The following NBEA variants were observed in gnomAD, a reference collection of about 807,000 sequenced individuals.
The protein encoded by NBEA is lysosomal-trafficking regulator 2.
Under a neutral mutation model 343.4 loss-of-function variants are expected in NBEA, and 44 were observed. That is an observed-to-expected ratio of 0.13 (90% CI 0.10 to 0.16). The LOEUF is 0.16. Ranked by LOEUF, NBEA falls within the 10% of genes least tolerant of loss-of-function variation. NBEA has a pLI of 1.00. For synonymous variants in NBEA, 1,175 were observed against 1,238.7 expected, an observed-to-expected ratio of 0.95 and a Z score of 1.08; for missense variants, 2,555 against 3,631.3, an observed-to-expected ratio of 0.70 and a Z score of 7.62.
At chr13:35,140,886 T>C (rs572546939) in intron 17 of NBEA, among the ~76,000 whole-genome samples, 13 of 152,306 alleles carry the variant, frequency 8.5e-5, no homozygotes, top group African/African-American at 2.9e-4. Context: ...CAGTTGATTA[T>C]CTTACAGTGA....
intron 1 of NBEA, among the ~76,000 whole-genome samples, chr13:35,035,633 A>T (rs1462622240): frequency 6.6e-6 from 1 of 151,888 alleles, no homozygotes; most frequent in Non-Finnish European, 1.5e-5. Context: ...ATATTATGGT[A>T]TTGGAACCTA....
chr13:35,063,865 AT>A (rs2063552478), intron 8 of NBEA, among the ~76,000 whole-genome samples: 1 of 152,062 alleles, frequency 6.6e-6, no homozygotes, highest in African/African-American at 2.4e-5. Flanking sequence ...TGCCAGTAGG[AT>A]TTTCTGTCAC....
At chr13:35,030,170 C>T (rs2062155236) in intron 1 of NBEA, among the ~76,000 whole-genome samples, 1 of 151,412 alleles carries the variant, frequency 6.6e-6, no homozygotes, top group Admixed American at 6.6e-5. Context: ...TACATCATTT[C>T]CTTTGCTTTT....
At chr13:35,669,898 A>G (rs1183631782) in intron 58 of NBEA, among the ~76,000 whole-genome samples, 1 of 152,100 alleles carries the variant, frequency 6.6e-6, no homozygotes, top group Non-Finnish European at 1.5e-5. Flanking sequence ...GAAAGACCTT[A>G]GAAGAGGCTC....
chr13:35,480,362 C>T (rs890940864), intron 41 of NBEA, among the ~76,000 whole-genome samples: 10 of 152,036 alleles, frequency 6.6e-5, no homozygotes, highest in African/African-American at 2.4e-4. Context: ...TCGAAAAAAA[C>T]CTGATTTAAA....
chr13:35,138,509 G>C (rs898278868), intron 17 of NBEA, among the ~76,000 whole-genome samples: 1 of 150,342 alleles, frequency 6.7e-6, no homozygotes, highest in Non-Finnish European at 1.5e-5. Flanking sequence ...GCCCAGCTTG[G>C]AGTGCAATGA....
intron 38 of NBEA, among the ~76,000 whole-genome samples, chr13:35,378,847 A>G (rs2041873235): frequency 6.6e-6 from 1 of 151,958 alleles, no homozygotes; most frequent in Non-Finnish European, 1.5e-5. Context: ...TTCTAAGAGC[A>G]TTTATTTATT....
chr13:35,266,764 A>G (rs1262911549), intron 34 of NBEA, among the ~76,000 whole-genome samples: 5 of 151,864 alleles, frequency 3.3e-5, no homozygotes, highest in Non-Finnish European at 5.9e-5. Context: ...CAAGAAATCT[A>G]TAGTACAACC....
At chr13:35,351,709 C>T (rs2255857) in intron 37 of NBEA, among the ~76,000 whole-genome samples, 16,197 of 151,874 alleles carry the variant, frequency 0.11, 991 homozygotes, top group East Asian at 0.21. Flanking sequence ...TCCTAAATGA[C>T]CACATTTTCT....
At chr13:35,323,430 T>C (rs939515204) in intron 36 of NBEA, among the ~76,000 whole-genome samples, 4 of 151,730 alleles carry the variant, frequency 2.6e-5, no homozygotes, top group Admixed American at 1.3e-4. Context: ...ATGGATGAAA[T>C]TGGAAATCAT....
In NBEA at chr13:35,258,899, T is replaced by TG. The variant is rs1475365120; in HGVS notation, c.5776+26281dup. ...ACATGTTACCATAAAGTAGGATTTGTGTTAGATGATTTTGCCCCCAAATAG... is the reference window on the plus strand; with the variant it reads ...ACATGTTACCATAAAGTAGGATTTGTGGTTAGATGATTTTGCCCCCAAATAG... On this transcript the variant is annotated intron_variant, in intron 34 of 58. Coordinates refer to ENST00000379939, the MANE Select transcript of NBEA (RefSeq NM_001385012.1). Among the ~76,000 whole-genome samples the TG allele has an allele frequency of 2.0e-5, 3 of 152,206 alleles. No homozygotes were observed. The East Asian group carries it at 5.8e-4, about 29-fold the overall frequency.
At chr13:35,458,233 T>C (rs888513090) in intron 40 of NBEA, among the ~76,000 whole-genome samples, 2 of 152,212 alleles carry the variant, frequency 1.3e-5, no homozygotes, top group Non-Finnish European at 2.9e-5. Flanking sequence ...TGTTATTATC[T>C]GTCTTCCTTT....
intron 13 of NBEA, among the ~76,000 whole-genome samples, chr13:35,112,700 C>T (rs2066277240): frequency 6.6e-6 from 1 of 152,166 alleles, no homozygotes; most frequent in East Asian, 1.9e-4. Context: ...ACCAGATTCT[C>T]AATATTTTAC....
chr13:35,166,828 C>T (rs975149517), intron 24 of NBEA, among the ~76,000 whole-genome samples: 1 of 151,732 alleles, frequency 6.6e-6, no homozygotes, highest in African/African-American at 2.4e-5. Context: ...GGAAATTAAA[C>T]CGAATATTTG....
intron 1 of NBEA, among the ~76,000 whole-genome samples, chr13:34,947,751 G>A (rs544264879): frequency 6.6e-6 from 1 of 152,320 alleles, no homozygotes; most frequent in East Asian, 1.9e-4. Context: ...GTATTAGGCA[G>A]TAATGATTAT....
At chr13:35,422,647 C>A (rs989010117) in intron 38 of NBEA, among the ~76,000 whole-genome samples, 1 of 152,120 alleles carries the variant, frequency 6.6e-6, no homozygotes, top group Non-Finnish European at 1.5e-5. Flanking sequence ...GATTTATAGT[C>A]CTTTGGGTAT....
At chr13:35,600,722 A>G (rs918453469) in intron 47 of NBEA, among the ~76,000 whole-genome samples, 3 of 152,180 alleles carry the variant, frequency 2.0e-5, no homozygotes, top group Non-Finnish European at 4.4e-5. Context: ...AACCTGCCCA[A>G]GCTAGCAAGA....
At chr13:35,628,553 C>T (rs756058811) in intron 49 of NBEA, among the ~76,000 whole-genome samples, 16 of 152,138 alleles carry the variant, frequency 1.1e-4, no homozygotes, top group Non-Finnish European at 2.4e-4. Context: ...TGAAACCTAG[C>T]TGAATATTTA....
chr13:35,124,787 TAC>T (rs753600675), intron 17 of NBEA, among the ~76,000 whole-genome samples: 5 of 148,932 alleles, frequency 3.4e-5, no homozygotes, highest in South Asian at 2.1e-4. Flanking sequence ...TATGGATATA[TAC>T]ACACATATAT....
Sources: gnomAD v4.1 joint callset for allele counts (sites outside exome capture counted in the v4.1 genomes callset) on GRCh38, gnomAD v4.1.1 for gene constraint, MANE v1.5 for transcripts, NCBI Gene and HGNC (gene_info 2026-07-23, HGNC 2026-07-21) for gene names.